Variants in FLVCR2 observed in about 807,000 individuals in gnomAD.
The protein encoded by FLVCR2 is choline/ethanolamine transporter FLVCR2.
A neutral mutation model predicts 48.9 loss-of-function variants in FLVCR2; 38 were observed. The ratio of observed to expected loss-of-function variants is 0.78; its 90% confidence interval spans 0.60 to 1.02. The LOEUF is 1.02. Among genes scored for constraint, FLVCR2 ranks in the 50% least tolerant of loss-of-function variants. FLVCR2 has a pLI of 0.00. For missense variants in FLVCR2, 664 were observed against 663.3 expected (o/e 1.00, Z -0.01); for synonymous variants, 255 against 257.0 (o/e 0.99, Z 0.07).
At chr14:75,613,485 A>G (rs1288598482) in intron 1 of FLVCR2, among the ~76,000 whole-genome samples, 3 of 152,072 alleles carry the variant, frequency 2.0e-5, no homozygotes, top group South Asian at 4.1e-4. Flanking sequence ...CCCTGACCCA[A>G]TCACCTCCCA....
intron 1 of FLVCR2, among the ~76,000 whole-genome samples, chr14:75,600,776 T>C (rs1889144650): frequency 6.6e-6 from 1 of 151,946 alleles, no homozygotes; most frequent in Non-Finnish European, 1.5e-5. Flanking sequence ...ATTAACAGAC[T>C]AAAAAAGTCA....
chr14:75,601,451 T>C (rs1052019504), intron 1 of FLVCR2, among the ~76,000 whole-genome samples: 2 of 152,136 alleles, frequency 1.3e-5, no homozygotes, highest in African/African-American at 2.4e-5. Flanking sequence ...CCTAAAAAGG[T>C]GCTCAACATT....
chr14:75,594,254 T>C (rs1276800787), intron 1 of FLVCR2, among the ~76,000 whole-genome samples: 1 of 151,730 alleles, frequency 6.6e-6, no homozygotes, highest in African/African-American at 2.4e-5. Flanking sequence ...ACCTAAGTAA[T>C]CCCTGAGAAG....
chr14:75,633,505 G>C, intron 3 of FLVCR2, 124 bp from the exon 4 acceptor site: 1 of 802,500 alleles, frequency 1.2e-6, no homozygotes, highest in Non-Finnish European at 2.2e-6. Context: ...CTTCTCTGAG[G>C]ATACTGCTCA....
chr14:75,589,113 G>A lies in FLVCR2; in HGVS notation c.669+9472G>A, dbSNP rs368540306. 3.1e-4 allele frequency among the ~76,000 whole-genome samples: 47 copies of A among 152,192 alleles called. No homozygotes were observed. The South Asian group carries it at 9.5e-3, about 31-fold the overall frequency. On this transcript the variant is annotated intron_variant, in intron 1 of 9. Coordinates refer to ENST00000238667, the MANE Select transcript of FLVCR2 (RefSeq NM_017791.3). Reference sequence around the variant, plus strand: ...TGCCTGTAGTCCCAGCTACTTGGGAGGCTGAGGTACAAGGATCGCTTGAGC... The same window carrying A: ...TGCCTGTAGTCCCAGCTACTTGGGAAGCTGAGGTACAAGGATCGCTTGAGC...
At chr14:75,616,390 C>T (rs1254835277) in intron 1 of FLVCR2, among the ~76,000 whole-genome samples, 2 of 151,868 alleles carry the variant, frequency 1.3e-5, no homozygotes, top group Non-Finnish European at 2.9e-5. Flanking sequence ...GAGGCAAGCC[C>T]CAGATTAGGT....
chr14:75,616,541 C>T (rs975785051), intron 1 of FLVCR2, among the ~76,000 whole-genome samples: 1 of 152,002 alleles, frequency 6.6e-6, no homozygotes, highest in Non-Finnish European at 1.5e-5. Context: ...GGAGTATGGA[C>T]TTTTTTGACT....
intron 3 of FLVCR2, 65 bp from the exon 4 acceptor site, chr14:75,633,564 A>C (rs1305253724): frequency 7.9e-7 from 1 of 1,258,536 alleles, no homozygotes; most frequent in African/African-American, 1.5e-5. Flanking sequence ...ATGCTGGGGG[A>C]GAAGTTAGCA....
In FLVCR2 at chr14:75,581,080, GGA is replaced by G. The variant is rs779278203; in HGVS notation, c.669+1444_669+1445del. On this transcript the variant is annotated intron_variant, in intron 1 of 9. Transcript: ENST00000238667. ...AGGGGCAGCGTGGGAACCTACAGTG[GGA>G]GAGACTCAGCTGAAGAACGGTTTTG... Among the ~76,000 whole-genome samples the G allele has an allele frequency of 5.3e-5, 8 of 152,288 alleles. No individual in the cohort carries two copies. The South Asian group carries it at 1.2e-3, about 24-fold the overall frequency.
At chr14:75,625,294 C>T (rs1482516872) in intron 3 of FLVCR2, among the ~76,000 whole-genome samples, 3 of 150,752 alleles carry the variant, frequency 2.0e-5, no homozygotes, top group Non-Finnish European at 2.9e-5. Flanking sequence ...CTGTAATTGA[C>T]TTCTATTTTA....
chr14:75,612,378 G>A (rs948888013), intron 1 of FLVCR2, among the ~76,000 whole-genome samples: 20 of 152,166 alleles, frequency 1.3e-4, no homozygotes, highest in African/African-American at 4.8e-4. Context: ...TGTGACGGGG[G>A]CGGGAGCTTG....
At chr14:75,623,748 G>T (rs1240969181) in intron 2 of FLVCR2, among the ~76,000 whole-genome samples, 2 of 151,916 alleles carry the variant, frequency 1.3e-5, no homozygotes, top group African/African-American at 2.4e-5. Flanking sequence ...TTCCAGAGGT[G>T]ATTTAAAAAA....
At chr14:75,628,188 C>T (rs1566794042) in intron 3 of FLVCR2, among the ~76,000 whole-genome samples, 1 of 152,184 alleles carries the variant, frequency 6.6e-6, no homozygotes, top group South Asian at 2.1e-4. Flanking sequence ...GATCTCGGCT[C>T]ACTGCAACCT....
At chr14:75,605,815 A>C in intron 1 of FLVCR2, 1 of 599,246 alleles carries the variant, frequency 1.7e-6, no homozygotes, top group South Asian at 2.0e-5. Context: ...AAAGAGGGAC[A>C]CAGAAGCTGG....
intron 3 of FLVCR2, among the ~76,000 whole-genome samples, chr14:75,629,974 A>C (rs1274183159): frequency 1.3e-5 from 2 of 152,192 alleles, no homozygotes; most frequent in Admixed American, 1.3e-4. Flanking sequence ...ATCCTGGCTG[A>C]GGAGTGGGCA....
intron 3 of FLVCR2, among the ~76,000 whole-genome samples, chr14:75,629,385 C>A (rs1005053466): frequency 6.6e-6 from 1 of 151,876 alleles, no homozygotes; most frequent in Non-Finnish European, 1.5e-5. Context: ...CTTGATGTTG[C>A]GGAAATATCA....
intron 5 of FLVCR2, among the ~76,000 whole-genome samples, chr14:75,635,532 A>T (rs1890145668): frequency 6.6e-6 from 1 of 152,160 alleles, no homozygotes; most frequent in Non-Finnish European, 1.5e-5. Context: ...TTTGGACCTG[A>T]ATGCCCAGTG....
Position 75,622,101 on chromosome 14 carries a change from T to C in FLVCR2, c.692T>C (p.Leu231Ser), listed in dbSNP as rs1210077843. 3 of 1,614,068 alleles carry C rather than the reference T, an allele frequency of 1.9e-6. No homozygotes were observed. Among genetic ancestry groups the C allele is most frequent in the African/African-American group, 2.7e-5 (2 of 74,928 alleles). ...TAGCTTGGAATTGCGATTGGGTTCT[T>C]GGTCCCTCCTGTTTTGGTACCCAAC... ...GNQLGIAIGF[L>S]VPPVLVPNIE... Residue 231 changes from leucine (L) to serine (S), a missense_variant, in exon 2 of 10, where the codon TTG becomes TCG. Coordinates refer to ENST00000238667, the MANE Select transcript of FLVCR2 (RefSeq NM_017791.3).
At chr14:75,633,345 A>C (rs1393645633) in intron 3 of FLVCR2, among the ~76,000 whole-genome samples, 1 of 152,212 alleles carries the variant, frequency 6.6e-6, no homozygotes, top group East Asian at 1.9e-4. Flanking sequence ...CCTGGGAGTA[A>C]TACTCAACAG....
Sources: allele counts gnomAD v4.1 joint callset (sites outside exome capture counted in the v4.1 genomes callset), GRCh38; gene constraint gnomAD v4.1.1; transcripts MANE v1.5; gene names NCBI Gene and HGNC (gene_info 2026-07-23, HGNC 2026-07-21).